FCHSD2: variants seen among roughly 807,000 people sequenced by gnomAD.
The protein encoded by FCHSD2 is F-BAR and double SH3 domains protein 2.
Under a neutral mutation model 108.1 loss-of-function variants are expected in FCHSD2, and 38 were observed. The observed-to-expected ratio is 0.35, with a 90% confidence interval of 0.27 to 0.46. The LOEUF (loss-of-function observed/expected upper bound fraction) is 0.46, where lower values mean the gene tolerates loss of function less well. FCHSD2 is among the 20% of genes least tolerant of loss of function. FCHSD2 has a pLI of 1.00. For missense variants in FCHSD2, 751 were observed against 897.8 expected, an observed-to-expected ratio of 0.84 and a Z score of 2.09; for synonymous variants, 279 against 314.7, an observed-to-expected ratio of 0.89 and a Z score of 1.20.
chr11:73,080,070 A>G (rs1158760543), intron 3 of FCHSD2, among the ~76,000 whole-genome samples: 2 of 152,116 alleles, frequency 1.3e-5, no homozygotes, highest in Non-Finnish European at 2.9e-5. Context: ...AGGCTGAGAC[A>G]GGAGAATTAC....
chr11:73,018,729 A>T lies in FCHSD2; in HGVS notation c.166-2844T>A, dbSNP rs572183490. Reference sequence around the variant, plus strand: ...TCTGGTTCCTAATTTTCATGTACTCAAATTTTTTAATAACTGTATCAGATT... The same window carrying T: ...TCTGGTTCCTAATTTTCATGTACTCTAATTTTTTAATAACTGTATCAGATT... On this transcript the variant is annotated intron_variant, in intron 3 of 19. Coordinates refer to ENST00000409418, the MANE Select transcript of FCHSD2 (RefSeq NM_014824.3). Among the ~76,000 whole-genome samples, 13 of 152,216 alleles carry T rather than the reference A, an allele frequency of 8.5e-5. No homozygotes were observed. The East Asian group carries it at 2.5e-3, about 29-fold the overall frequency.
chr11:72,955,735 T>G (rs1856699889), intron 8 of FCHSD2, among the ~76,000 whole-genome samples: 3 of 152,136 alleles, frequency 2.0e-5, no homozygotes. Flanking sequence ...TTAGGAGCCC[T>G]GTGACAGGAA....
chr11:72,878,194 A>AT (rs1165255710), intron 12 of FCHSD2, among the ~76,000 whole-genome samples: 3 of 152,148 alleles, frequency 2.0e-5, no homozygotes, highest in Non-Finnish European at 4.4e-5. Flanking sequence ...CAGGAGGATC[A>AT]TTTGAGTCCA....
intron 8 of FCHSD2, among the ~76,000 whole-genome samples, chr11:72,952,323 G>C (rs149772506): frequency 3.8e-4 from 57 of 151,584 alleles, no homozygotes; most frequent in African/African-American, 1.3e-3. Context: ...CACCAAGTTT[G>C]ACTATCTTTT....
At chr11:73,030,099 T>C (rs1858323602) in intron 3 of FCHSD2, among the ~76,000 whole-genome samples, 1 of 152,002 alleles carries the variant, frequency 6.6e-6, no homozygotes, top group Non-Finnish European at 1.5e-5. Flanking sequence ...ATGCCATTAG[T>C]TTGAAAATAT....
intron 3 of FCHSD2, among the ~76,000 whole-genome samples, chr11:73,019,926 A>AT (rs947373916): frequency 5.3e-5 from 8 of 152,218 alleles, no homozygotes; most frequent in African/African-American, 1.9e-4. Context: ...TTTTAAAAAA[A>AT]TTTTTTTCAA....
In FCHSD2 at chr11:73,083,690, C is replaced by A. The variant is rs1859751055; in HGVS notation, c.165+5G>T. On this transcript the variant is annotated splice_donor_5th_base_variant and intron_variant, in intron 3 of 19. Transcript: ENST00000409418. ...CTAGAATGGGACCTCCAATTTCAAG[C>A]TTACCTGTGCATACTCTCTTTCAAT... is the stretch of plus-strand genomic sequence containing the variant. 6.5e-7 allele frequency: 1 copy of A among 1,541,674 alleles called. No homozygotes were observed. Among genetic ancestry groups the A allele is most frequent in the Non-Finnish European group, 8.8e-7 (1 of 1,137,826 alleles).
Position 72,843,324 on chromosome 11 carries a change from C to G in FCHSD2, c.1532G>C (p.Arg511Pro). ...DGDMEDWVKA[R>P]NKVGQVGYVP... is the part of the protein sequence containing the mutation. ...ATAACCCACTTGGCCAACTTTATTTCGAGCCTGGGTAAAAGACATGTGACA... is the reference window on the plus strand; with the variant it reads ...ATAACCCACTTGGCCAACTTTATTTGGAGCCTGGGTAAAAGACATGTGACA... Residue 511 changes from arginine to proline, a missense_variant, in exon 16 of 20, where the codon CGA (arginine) becomes CCA (proline). Transcript: ENST00000409418. The G allele has an allele frequency of 6.2e-7, 1 of 1,613,254 alleles. No homozygotes were observed. Among genetic ancestry groups the G allele is most frequent in the Non-Finnish European group, 8.5e-7 (1 of 1,179,354 alleles).
chr11:73,026,229 T>G (rs1858226128), intron 3 of FCHSD2, among the ~76,000 whole-genome samples: 1 of 152,164 alleles, frequency 6.6e-6, no homozygotes. Flanking sequence ...TCCACCTACC[T>G]TGGGCTCCCA....
At chr11:72,907,598 GGTTT>G (rs1276310619) in intron 9 of FCHSD2, among the ~76,000 whole-genome samples, 2 of 72,714 alleles carry the variant, frequency 2.8e-5, no homozygotes, top group Non-Finnish European at 2.4e-5. Flanking sequence ...TAATCACGTG[GGTTT>G]TTTTTTTTTT....
intron 10 of FCHSD2, among the ~76,000 whole-genome samples, chr11:72,901,690 A>T (rs1855529293): frequency 6.6e-6 from 1 of 151,406 alleles, no homozygotes; most frequent in South Asian, 2.2e-4. Flanking sequence ...CTGCTACCAT[A>T]AAAAAAATGG....
chr11:72,891,039 C>A (rs926110439), intron 10 of FCHSD2, among the ~76,000 whole-genome samples: 1 of 152,096 alleles, frequency 6.6e-6, no homozygotes, highest in East Asian at 1.9e-4. Context: ...ACTTCAGCCT[C>A]CTGAGTAGCT....
intron 4 of FCHSD2, among the ~76,000 whole-genome samples, chr11:73,004,474 T>G (rs563526271): frequency 1.3e-5 from 2 of 152,258 alleles, no homozygotes; most frequent in African/African-American, 2.4e-5. Context: ...AGTTACTCAG[T>G]CCTATAAGAA....
At chr11:72,905,602 C>CG (rs1191272062) in intron 9 of FCHSD2, among the ~76,000 whole-genome samples, 2 of 151,984 alleles carry the variant, frequency 1.3e-5, no homozygotes, top group Non-Finnish European at 2.9e-5. Flanking sequence ...CCCCACCCCC[C>CG]GACAGGTCCC....
At position 73,110,144 on chromosome 11, in the gene FCHSD2, TTTC is replaced by T. The variant is rs148461912; in HGVS notation, c.120-26407_120-26405del. On this transcript the variant is annotated intron_variant, in intron 2 of 19. Coordinates refer to ENST00000409418, the MANE Select transcript of FCHSD2 (RefSeq NM_014824.3). ...TTCATCAGGAATACTGGTCTGTAGTTTTCTTCTTTTTTTTTTTGATGTGTCTTT... is the reference window on the plus strand; with the variant it reads ...TTCATCAGGAATACTGGTCTGTAGTTTTCTTTTTTTTTTTGATGTGTCTTT... Among the ~76,000 whole-genome samples the T allele has an allele frequency of 7.6e-3, 1,067 of 141,068 alleles. 10 individuals carry two copies. The highest frequency in any genetic ancestry group is 0.024 in the African/African-American group (997 of 40,916). 92.5% of individuals were successfully genotyped at this position (141,068 alleles called of 152,430 possible).
chr11:73,125,021 A>G (rs1285204555), intron 2 of FCHSD2, among the ~76,000 whole-genome samples: 1 of 152,236 alleles, frequency 6.6e-6, no homozygotes, highest in Non-Finnish European at 1.5e-5. Flanking sequence ...CCAACTCAGA[A>G]TTCTATATCC....
At chr11:73,011,286 G>A (rs1029933201) in intron 4 of FCHSD2, among the ~76,000 whole-genome samples, 2 of 152,134 alleles carry the variant, frequency 1.3e-5, no homozygotes, top group South Asian at 4.1e-4. Flanking sequence ...CAGGTGGGAG[G>A]CAGTAGTGGC....
intron 8 of FCHSD2, among the ~76,000 whole-genome samples, chr11:72,946,603 C>T (rs1856525537): frequency 6.6e-6 from 1 of 152,072 alleles, no homozygotes; most frequent in Non-Finnish European, 1.5e-5. Flanking sequence ...ATGTCAATAC[C>T]TGCCAATATC....
intron 9 of FCHSD2, among the ~76,000 whole-genome samples, chr11:72,912,783 T>A (rs1363701287): frequency 6.6e-6 from 1 of 152,252 alleles, no homozygotes; most frequent in African/African-American, 2.4e-5. Flanking sequence ...GACTTTCTAT[T>A]ACAGCTTTGA....
Sources: allele counts gnomAD v4.1 joint callset (sites outside exome capture counted in the v4.1 genomes callset), GRCh38; gene constraint gnomAD v4.1.1; transcripts MANE v1.5; gene names NCBI Gene and HGNC (gene_info 2026-07-23, HGNC 2026-07-21).